The following OSMR variants were observed in gnomAD, a reference collection of about 807,000 sequenced individuals.
OSMR encodes oncostatin-M-specific receptor subunit beta.
OSMR carries 81 observed loss-of-function variants against 99.9 expected under a neutral mutation model. The observed-to-expected ratio is 0.81, with a 90% CI of 0.68 to 0.97. OSMR has a LOEUF of 0.97. OSMR is among the 50% of genes least tolerant of loss of function. The pLI is 0.00. For synonymous variants in OSMR, 406 were observed against 410.4 expected (o/e 0.99, Z 0.13); for missense variants, 1,099 against 1,153.4 (o/e 0.95, Z 0.68).
At chr5:38,857,376 GTGAGTGTCATT>G (rs1740934389) in intron 1 of OSMR, among the ~76,000 whole-genome samples, 1 of 152,178 alleles carries the variant, frequency 6.6e-6, no homozygotes, top group Admixed American at 6.5e-5. Context: ...AAATTTCAAA[GTGAGTGTCATT>G]TTGGAGGATT....
intron 4 of OSMR, among the ~76,000 whole-genome samples, chr5:38,882,653 AG>A (rs1195403894): frequency 6.6e-6 from 1 of 151,562 alleles, no homozygotes; most frequent in Non-Finnish European, 1.5e-5. Flanking sequence ...GGTGGGGGGA[AG>A]GGGGGTGGAA....
intron 2 of OSMR, among the ~76,000 whole-genome samples, chr5:38,871,418 C>T (rs1742381941): frequency 6.6e-6 from 1 of 152,202 alleles, no homozygotes; most frequent in Admixed American, 6.5e-5. Context: ...TGTCTTTGCC[C>T]TGACCTGTAC....
rs550679979 is a variant in OSMR at position 38,933,564 on chromosome 5, T to C, written c.*120T>C. 4.3e-4 allele frequency: 462 copies of C among 1,081,540 alleles called. No homozygotes were observed. The African/African-American group carries it at 6.3e-3, about 15-fold the overall frequency. 67.0% of individuals were successfully genotyped at this position (1,081,540 alleles called of 1,614,324 possible). A position where few individuals can be genotyped will look rare whatever the true frequency, so the allele number is the denominator to read the frequency against. On this transcript the variant is annotated 3_prime_UTR_variant, in exon 18 of 18. Coordinates refer to ENST00000274276, the MANE Select transcript of OSMR (RefSeq NM_003999.3). Reference sequence around the variant, plus strand: ...GTACGATTTGCAGGTCTGGTTTATATAAGACCACTACAGTCTGGCTAGGTT... The same window carrying C: ...GTACGATTTGCAGGTCTGGTTTATACAAGACCACTACAGTCTGGCTAGGTT...
At chr5:38,912,358 A>G (rs1418252264) in intron 9 of OSMR, among the ~76,000 whole-genome samples, 1 of 152,214 alleles carries the variant, frequency 6.6e-6, no homozygotes, top group East Asian at 1.9e-4. Flanking sequence ...CTAGTAATAC[A>G]TTTAACCAAG....
intron 3 of OSMR, 191 bp from the exon 4 acceptor site, chr5:38,881,402 G>T (rs918869097): frequency 1.9e-5 from 16 of 823,628 alleles, no homozygotes; most frequent in Non-Finnish European, 2.1e-5. Context: ...TTTTCAAAAG[G>T]CAGGAGGTCA....
At chr5:38,909,583 T>C (rs1745445859) in intron 9 of OSMR, among the ~76,000 whole-genome samples, 1 of 152,174 alleles carries the variant, frequency 6.6e-6, no homozygotes, top group Non-Finnish European at 1.5e-5. Flanking sequence ...GTACTGAACA[T>C]TCTTAAAAGA....
At chr5:38,944,690 A>C (rs997415904) in intron 2 of OSMR, 40 of 967,242 alleles carry the variant, frequency 4.1e-5, no homozygotes, top group Middle Eastern at 3.1e-4. Context: ...ATGATCTACC[A>C]ATCATTTTGG....
At chr5:38,847,502 G>T (rs1258962353) in intron 1 of OSMR, among the ~76,000 whole-genome samples, 10 of 152,094 alleles carry the variant, frequency 6.6e-5, no homozygotes, top group Non-Finnish European at 1.3e-4. Flanking sequence ...CTCTAAGACT[G>T]GGTGGGGTGT....
intron 9 of OSMR, 21 bp from the exon 10 acceptor site, chr5:38,917,525 C>T: frequency 6.2e-7 from 1 of 1,611,756 alleles, no homozygotes. Context: ...GACTCAAGAA[C>T]TTTTCTTTGG....
rs1375353223 is a variant in OSMR at position 38,931,978 on chromosome 5, G to A, written c.2294+14G>A. On this transcript the variant is annotated intron_variant, in intron 16 of 17. Coordinates refer to ENST00000274276, the MANE Select transcript of OSMR (RefSeq NM_003999.3). ...GAAAAGTCAGTGGTAAGTGTGTGAG[G>A]AAGGTTTTATCCAAGAAGAGAGTAA... 6.3e-7 allele frequency: 1 copy of A among 1,598,722 alleles called. No homozygotes were observed. Among genetic ancestry groups the A allele is most frequent in the Admixed American group, 1.7e-5 (1 of 59,980 alleles).
chr5:38,886,185 A>G lies in OSMR; in HGVS notation c.986A>G (p.His329Arg). The G allele has an allele frequency of 1.2e-6, 2 of 1,614,128 alleles. No individual in the cohort carries two copies. The highest frequency in any genetic ancestry group is 1.7e-5 in the Admixed American group (1 of 60,024). Reference protein sequence around the residue: ...RSVNILFNLTHRVYLMNPFSV... With the variant: ...RSVNILFNLTRRVYLMNPFSV... ...GTCAATATCCTTTTTAACCTGACTC[A>G]TCGAGGTGAGACTAGAGTTGTCACA... The change falls in exon 7 of 18, where the codon CAT becomes CGT. Residue 329 changes from histidine to arginine, a missense_variant. By Grantham distance (29) the His-to-Arg change is conservative (BLOSUM62 0). Transcript: ENST00000274276.
intron 15 of OSMR, among the ~76,000 whole-genome samples, chr5:38,930,603 A>G (rs1478218555): frequency 6.6e-6 from 1 of 152,216 alleles, no homozygotes; most frequent in Non-Finnish European, 1.5e-5. Flanking sequence ...TTACCAACCC[A>G]GCTGAATTAT....
At chr5:38,908,985 G>A in intron 9 of OSMR, among the ~76,000 whole-genome samples, 1 of 152,114 alleles carries the variant, frequency 6.6e-6, no homozygotes, top group East Asian at 1.9e-4. Context: ...CAACATCCAA[G>A]AGAAAGTGAA....
intron 7 of OSMR, among the ~76,000 whole-genome samples, chr5:38,899,946 G>A (rs2112513599): frequency 6.6e-6 from 1 of 152,242 alleles, no homozygotes; most frequent in Middle Eastern, 3.4e-3. Context: ...TTTCCCCAAA[G>A]TCTGCTTGCT....
chr5:38,909,291 T>C (rs546102214), intron 9 of OSMR, among the ~76,000 whole-genome samples: 1 of 152,294 alleles, frequency 6.6e-6, no homozygotes, highest in South Asian at 2.1e-4. Flanking sequence ...TTGGAAAACA[T>C]ATTTGAGGAT....
intron 7 of OSMR, among the ~76,000 whole-genome samples, chr5:38,890,354 G>C (rs1439408040): frequency 6.6e-6 from 1 of 152,178 alleles, no homozygotes; most frequent in Non-Finnish European, 1.5e-5. Context: ...TTTTATGCCA[G>C]GCAGAAATAA....
chr5:38,926,229 T>C (rs1469369472), intron 15 of OSMR, among the ~76,000 whole-genome samples: 1 of 152,200 alleles, frequency 6.6e-6, no homozygotes, highest in African/African-American at 2.4e-5. Flanking sequence ...TTCCTTAATG[T>C]ATGGTGCCCT....
chr5:38,883,089 G>A (rs908434357), intron 4 of OSMR, among the ~76,000 whole-genome samples: 4 of 152,162 alleles, frequency 2.6e-5, no homozygotes, highest in South Asian at 4.1e-4. Context: ...TGAGGTGGGC[G>A]GATTGCCTGA....
rs1377374138 is a variant in OSMR at position 38,909,353 on chromosome 5, C to T, written c.1285+4850C>T. On this transcript the variant is annotated intron_variant, in intron 9 of 17. Coordinates refer to ENST00000274276, the MANE Select transcript of OSMR (RefSeq NM_003999.3). Reference sequence around the variant, plus strand: ...CACTGGAGAGGACAACATTCAAATTCAGGAAATGCAGAGAACTCCTGTGAG... The same window carrying T: ...CACTGGAGAGGACAACATTCAAATTTAGGAAATGCAGAGAACTCCTGTGAG... Among the ~76,000 whole-genome samples the T allele has an allele frequency of 2.6e-5, 4 of 152,172 alleles. No homozygotes were observed. In the East Asian group the frequency reaches 7.7e-4, roughly 29 times the overall value.
Sources: allele counts gnomAD v4.1 joint callset (sites outside exome capture counted in the v4.1 genomes callset), GRCh38; gene constraint gnomAD v4.1.1; transcripts MANE v1.5; gene names NCBI Gene and HGNC (gene_info 2026-07-23, HGNC 2026-07-21).